The following UNC5C variants were observed in gnomAD, a reference collection of about 807,000 sequenced individuals.
UNC5C encodes unc-5 netrin receptor C.
In UNC5C, 47 loss-of-function variants were observed where a neutral mutation model predicts 99.8. The ratio of observed to expected loss-of-function variants is 0.47; its 90% CI spans 0.37 to 0.60. The LOEUF is 0.60. UNC5C is among the 20% of genes least tolerant of loss of function. The pLI, the probability that UNC5C is intolerant of heterozygous loss-of-function variation, is 0.00. For synonymous variants in UNC5C, 487 were observed against 452.2 expected (o/e 1.08, Z -0.98); for missense variants, 1,062 against 1,165.9 (o/e 0.91, Z 1.30).
intron 4 of UNC5C, among the ~76,000 whole-genome samples, chr4:95,266,960 T>C (rs1397890697): frequency 6.6e-6 from 1 of 152,342 alleles, no homozygotes; most frequent in African/African-American, 2.4e-5. Context: ...ATCTTTATTA[T>C]TAAACATGAT....
chr4:95,530,170 G>A (rs1722605890), intron 1 of UNC5C, among the ~76,000 whole-genome samples: 1 of 152,158 alleles, frequency 6.6e-6, no homozygotes, highest in African/African-American at 2.4e-5. Flanking sequence ...TTGCTTTTAA[G>A]TGGGGCAAGA....
intron 7 of UNC5C, among the ~76,000 whole-genome samples, chr4:95,224,154 G>A (rs565512203): frequency 6.6e-6 from 1 of 152,162 alleles, no homozygotes; most frequent in Admixed American, 6.5e-5. Flanking sequence ...ATGGTGGCGC[G>A]TGCCTGTGAT....
intron 1 of UNC5C, among the ~76,000 whole-genome samples, chr4:95,539,386 A>G (rs970689): frequency 0.69 from 105,005 of 152,056 alleles, 36,932 homozygotes; most frequent in East Asian, 0.82. Context: ...TAATGAGACA[A>G]AAACATCTCT....
At chr4:95,464,576 A>C (rs1458754128) in intron 1 of UNC5C, among the ~76,000 whole-genome samples, 1 of 152,198 alleles carries the variant, frequency 6.6e-6, no homozygotes, top group South Asian at 2.1e-4. Flanking sequence ...CATTATCAAC[A>C]AGAATGCATA....
At chr4:95,469,478 G>T (rs1460933484) in intron 1 of UNC5C, among the ~76,000 whole-genome samples, 1 of 152,014 alleles carries the variant, frequency 6.6e-6, no homozygotes, top group Non-Finnish European at 1.5e-5. Flanking sequence ...CCCACATAAA[G>T]GCTGCATTTT....
At chr4:95,250,093 G>A (rs938126891) in intron 5 of UNC5C, among the ~76,000 whole-genome samples, 7 of 152,032 alleles carry the variant, frequency 4.6e-5, no homozygotes, top group South Asian at 4.2e-4. Flanking sequence ...GGCTTCCTTC[G>A]CTTTCCTAGA....
intron 1 of UNC5C, among the ~76,000 whole-genome samples, chr4:95,482,294 C>T (rs1721181214): frequency 6.6e-6 from 1 of 151,872 alleles, no homozygotes; most frequent in Non-Finnish European, 1.5e-5. Context: ...AAATGCAAAT[C>T]AAAACCACAA....
intron 1 of UNC5C, among the ~76,000 whole-genome samples, chr4:95,511,034 G>A (rs1292419524): frequency 6.6e-6 from 1 of 152,092 alleles, no homozygotes; most frequent in Non-Finnish European, 1.5e-5. Flanking sequence ...GATACCCTGG[G>A]GATATTGATT....
chr4:95,398,584 A>C (rs911577596), intron 1 of UNC5C, among the ~76,000 whole-genome samples: 2 of 152,172 alleles, frequency 1.3e-5, no homozygotes, highest in African/African-American at 4.8e-5. Flanking sequence ...TTTGAAAATA[A>C]AAACCCTCAT....
chr4:95,310,780 T>C (rs886252231), intron 2 of UNC5C, among the ~76,000 whole-genome samples: 1 of 152,104 alleles, frequency 6.6e-6, no homozygotes, highest in Admixed American at 6.6e-5. Flanking sequence ...CTGAGAAGAA[T>C]ATTCACTGGA....
intron 1 of UNC5C, among the ~76,000 whole-genome samples, chr4:95,348,107 G>A (rs1288147763): frequency 2.0e-5 from 3 of 152,040 alleles, no homozygotes; most frequent in Non-Finnish European, 4.4e-5. Flanking sequence ...GATTTGAAAA[G>A]ACATTTTTCA....
At chr4:95,241,711 C>G (rs1241441251) in intron 7 of UNC5C, among the ~76,000 whole-genome samples, 1 of 151,958 alleles carries the variant, frequency 6.6e-6, no homozygotes, top group African/African-American at 2.4e-5. Context: ...TCTGAGGGCT[C>G]CTCAATAAAG....
At chr4:95,473,448 A>G (rs1748036910) in intron 1 of UNC5C, among the ~76,000 whole-genome samples, 1 of 152,030 alleles carries the variant, frequency 6.6e-6, no homozygotes, top group Non-Finnish European at 1.5e-5. Context: ...TTTATGAACA[A>G]TGTGTTGTAT....
intron 1 of UNC5C, among the ~76,000 whole-genome samples, chr4:95,386,884 T>C (rs370146881): frequency 7.2e-5 from 11 of 152,292 alleles, no homozygotes; most frequent in African/African-American, 2.6e-4. Flanking sequence ...TCAGTGGACA[T>C]TCATATGGGT....
At chr4:95,341,172 T>A (rs1743558338) in intron 1 of UNC5C, among the ~76,000 whole-genome samples, 1 of 152,018 alleles carries the variant, frequency 6.6e-6, no homozygotes, top group Admixed American at 6.6e-5. Flanking sequence ...GACATGAAAG[T>A]GTAAATACAT....
At chr4:95,382,365 C>T (rs531879877) in intron 1 of UNC5C, among the ~76,000 whole-genome samples, 10 of 151,328 alleles carry the variant, frequency 6.6e-5, no homozygotes, top group South Asian at 2.1e-4. Flanking sequence ...CCCTGCTGCT[C>T]GGGAAGCTGA....
intron 4 of UNC5C, among the ~76,000 whole-genome samples, chr4:95,261,606 C>T (rs996935172): frequency 2.5e-4 from 38 of 152,202 alleles, no homozygotes; most frequent in African/African-American, 8.4e-4. Context: ...CAAGATAGGG[C>T]TGGATTCAAG....
intron 10 of UNC5C, among the ~76,000 whole-genome samples, chr4:95,210,972 C>CA (rs1179647307): frequency 6.6e-6 from 1 of 152,232 alleles, no homozygotes; most frequent in Non-Finnish European, 1.5e-5. Flanking sequence ...GATATTAACA[C>CA]ACTTGCCTAA....
At chr4:95,409,156 T>G (rs1346438427) in intron 1 of UNC5C, among the ~76,000 whole-genome samples, 1 of 152,238 alleles carries the variant, frequency 6.6e-6, no homozygotes, top group African/African-American at 2.4e-5. Flanking sequence ...TCTATCAGAT[T>G]AGTTCCACCT....
Sources: allele counts gnomAD v4.1 joint callset (sites outside exome capture counted in the v4.1 genomes callset), GRCh38; gene constraint gnomAD v4.1.1; transcripts MANE v1.5; gene names NCBI Gene and HGNC (gene_info 2026-07-23, HGNC 2026-07-21).